The following PROCR variants were observed in gnomAD, a reference collection of about 807,000 sequenced individuals.
PROCR encodes the protein endothelial protein C receptor.
In PROCR, 22 loss-of-function variants were observed where a neutral mutation model predicts 24.2. That is an observed-to-expected ratio of 0.91 (90% CI 0.65 to 1.30). The LOEUF is 1.30. PROCR is among the 50% of genes most tolerant of loss of function. The probability of loss-of-function intolerance (pLI) is 0.00; values close to 1 mark genes in which losing one functional copy is unlikely to be tolerated. For missense variants in PROCR, 288 were observed against 307.7 expected, an observed-to-expected ratio of 0.94 and a Z score of 0.48; for synonymous variants, 137 against 139.2, an observed-to-expected ratio of 0.98 and a Z score of 0.11.
chr20:35,206,997 T>C (rs751698817), intron 1 of PROCR, among the ~76,000 whole-genome samples: 9 of 152,318 alleles, frequency 5.9e-5, no homozygotes, highest in Admixed American at 3.3e-4. Context: ...AATACACTAC[T>C]ACTCAGCAAT....
chr20:35,200,258 G>A (rs532276798), intron 1 of PROCR, among the ~76,000 whole-genome samples: 2 of 152,352 alleles, frequency 1.3e-5, no homozygotes, highest in East Asian at 3.8e-4. Flanking sequence ...AATTTTGAAA[G>A]AAGTTCTACT....
intron 1 of PROCR, chr20:35,201,844 G>T (rs1018091289): frequency 2.6e-5 from 4 of 150,948 alleles, no homozygotes; most frequent in African/African-American, 9.7e-5. Context: ...ATGATAAAAG[G>T]GTCAATTCAC....
At chr20:35,177,425 C>T, downstream of PROCR, 1 of 889,334 alleles carries the variant, frequency 1.1e-6, no homozygotes, top group Non-Finnish European at 1.3e-6. Flanking sequence ...TCTTCTGCTT[C>T]CTTATTTCTC....
chr20:35,215,886 C>T, intron 1 of PROCR: 1 of 985,324 alleles, frequency 1.0e-6, no homozygotes, highest in Non-Finnish European at 1.2e-6. Context: ...TTTATATTTC[C>T]TTTCAGATCT....
At chr20:35,215,952 C>G (rs893778027) in exon 2 of PROCR, 6 of 874,348 alleles carry the variant, frequency 6.9e-6, no homozygotes, top group Non-Finnish European at 8.2e-6. Flanking sequence ...AATCCCAGCA[C>G]TTTGGGAGGC....
chr20:35,196,639 G>C (rs543894169), intron 1 of PROCR, among the ~76,000 whole-genome samples: 23 of 151,922 alleles, frequency 1.5e-4, no homozygotes, highest in African/African-American at 5.6e-4. Context: ...TTCCCTTTGA[G>C]AATAAAAGTG....
At chr20:35,215,778 T>C (rs1200843754) in intron 1 of PROCR, 1 of 735,812 alleles carries the variant, frequency 1.4e-6, no homozygotes, top group African/African-American at 1.9e-5. Flanking sequence ...AAATTGCTTT[T>C]CATTGACTGT....
chr20:35,212,528 C>T (rs781778137), intron 1 of PROCR, among the ~76,000 whole-genome samples: 10 of 152,104 alleles, frequency 6.6e-5, no homozygotes, highest in South Asian at 4.1e-4. Context: ...GTTATTACTG[C>T]GGTCCAAGTA....
At chr20:35,178,506 A>AGTTTT (rs758633297), downstream of PROCR, among the ~76,000 whole-genome samples, 30 of 41,536 alleles carry the variant, frequency 7.2e-4, 11 homozygotes, top group African/African-American at 5.5e-3. Context: ...TTCAAGTCTC[A>AGTTTT]GTTTTTTTTT....
At chr20:35,206,778 T>C (rs1352904878) in intron 1 of PROCR, among the ~76,000 whole-genome samples, 2 of 152,126 alleles carry the variant, frequency 1.3e-5, no homozygotes, top group African/African-American at 4.8e-5. Flanking sequence ...ATACAGCCCC[T>C]CTAGGTTTCT....
chr20:35,186,547 CA>C (rs2086128196), intron 1 of PROCR, among the ~76,000 whole-genome samples: 1 of 98,178 alleles, frequency 1.0e-5, no homozygotes, highest in Non-Finnish European at 1.9e-5. Context: ...GCCTGGGCAA[CA>C]AGAGTGAAAC....
Position 35,172,091 on chromosome 20 carries a change from T to TGCAGCCAGCGGAGCCC in PROCR, c.-57_-42dup, listed in dbSNP as rs2085956119. On this transcript the variant is annotated 5_prime_UTR_variant, in exon 1 of 4. Coordinates refer to ENST00000216968, the MANE Select transcript of PROCR (RefSeq NM_006404.5). ...GTCCTCACTTCTCTTTTCCCTAGAC[T>TGCAGCCAGCGGAGCCC]GCAGCCAGCGGAGCCCGCAGCCGGC... is the stretch of plus-strand genomic sequence containing the variant. The TGCAGCCAGCGGAGCCC allele has an allele frequency of 6.6e-7, 1 of 1,512,916 alleles. No homozygotes were observed. 93.7% of individuals were successfully genotyped at this position (1,512,916 alleles called of 1,614,324 possible).
chr20:35,190,173 T>G (rs146820522), intron 1 of PROCR, among the ~76,000 whole-genome samples: 32 of 152,328 alleles, frequency 2.1e-4, no homozygotes, highest in African/African-American at 7.2e-4. Flanking sequence ...TCTTGGTATA[T>G]CCGATGATCT....
At chr20:35,174,545 C>G (rs2085985962) in intron 1 of PROCR, 157 bp from the exon 2 acceptor site, 1 of 885,916 alleles carries the variant, frequency 1.1e-6, no homozygotes, top group African/African-American at 1.6e-5. Context: ...GGCAGAGTTA[C>G]TGTCAGCGTC....
chr20:35,195,664 C>T (rs997884869), intron 1 of PROCR, among the ~76,000 whole-genome samples: 4 of 150,420 alleles, frequency 2.7e-5, no homozygotes, highest in Admixed American at 1.3e-4. Flanking sequence ...CTACTAAAAA[C>T]ACAAAAATTA....
At chr20:35,179,295 A>G (rs1337593103), downstream of PROCR, among the ~76,000 whole-genome samples, 1 of 150,930 alleles carries the variant, frequency 6.6e-6, no homozygotes, top group Non-Finnish European at 1.5e-5. Flanking sequence ...TAATCCCAAC[A>G]CTTTGGGAGG....
intron 1 of PROCR, among the ~76,000 whole-genome samples, chr20:35,174,079 TG>T (rs1201114218): frequency 6.6e-6 from 1 of 152,192 alleles, no homozygotes; most frequent in Non-Finnish European, 1.5e-5. Flanking sequence ...ATTAAGCCAC[TG>T]GGGAAAGGCA....
chr20:35,182,105 T>C (rs1054719891), downstream of PROCR, among the ~76,000 whole-genome samples: 6 of 152,212 alleles, frequency 3.9e-5, no homozygotes, highest in Admixed American at 1.3e-4. Flanking sequence ...TAGCTGCAAG[T>C]GCAGGGGGGA....
chr20:35,172,088 G>A lies in PROCR; in HGVS notation c.-67G>A. 1.3e-6 allele frequency: 2 copies of A among 1,494,630 alleles called. No individual in the cohort carries two copies. Among genetic ancestry groups the A allele is most frequent in the South Asian group, 2.3e-5 (2 of 88,596 alleles). 92.6% of individuals were successfully genotyped at this position (1,494,630 alleles called of 1,614,324 possible). On this transcript the variant is annotated 5_prime_UTR_variant, in exon 1 of 4. Coordinates refer to ENST00000216968, the MANE Select transcript of PROCR (RefSeq NM_006404.5). Reference sequence around the variant, plus strand: ...ACGGTCCTCACTTCTCTTTTCCCTAGACTGCAGCCAGCGGAGCCCGCAGCC... The same window carrying A: ...ACGGTCCTCACTTCTCTTTTCCCTAAACTGCAGCCAGCGGAGCCCGCAGCC...
Sources: gnomAD v4.1 joint callset for allele counts (sites outside exome capture counted in the v4.1 genomes callset) on GRCh38, gnomAD v4.1.1 for gene constraint, MANE v1.5 for transcripts, NCBI Gene and HGNC (gene_info 2026-07-23, HGNC 2026-07-21) for gene names.